The following GLI3 variants were observed in gnomAD, a reference collection of about 807,000 sequenced individuals.
GLI3 encodes transcription activator GLI3.
In GLI3, 20 loss-of-function variants were observed where a neutral mutation model predicts 100.8. The ratio of observed to expected loss-of-function variants is 0.20; its 90% CI spans 0.14 to 0.29. The LOEUF (loss-of-function observed/expected upper bound fraction) is 0.29. Among genes scored for constraint, GLI3 ranks in the 10% least tolerant of loss-of-function variants. The pLI is 1.00. For missense variants in GLI3, 2,040 were observed against 2,128.5 expected (o/e 0.96, Z 0.82); for synonymous variants, 938 against 860.5 (o/e 1.09, Z -1.58).
At chr7:42,023,634 G>A in intron 9 of GLI3, 26 bp from the exon 10 acceptor site, 6 of 1,341,150 alleles carry the variant, frequency 4.5e-6, no homozygotes, top group Admixed American at 1.7e-5. Context: ...GGGGGGCAGG[G>A]AACAGAGAAG....
At chr7:42,239,724 T>C (rs1788904936), upstream of GLI3, among the ~76,000 whole-genome samples, 1 of 152,190 alleles carries the variant, frequency 6.6e-6, no homozygotes, top group South Asian at 2.1e-4. Context: ...CAGCTAATCT[T>C]TCCCCCTATG....
At chr7:42,060,912 C>T (rs1430722046) in intron 4 of GLI3, among the ~76,000 whole-genome samples, 2 of 152,162 alleles carry the variant, frequency 1.3e-5, no homozygotes, top group Non-Finnish European at 2.9e-5. Flanking sequence ...CCATAATACA[C>T]ATCAAGTGTA....
intron 3 of GLI3, among the ~76,000 whole-genome samples, chr7:42,086,406 A>C (rs1270930544): frequency 1.3e-5 from 2 of 152,090 alleles, no homozygotes; most frequent in African/African-American, 4.8e-5. Flanking sequence ...TAGCTTATCT[A>C]AACTATACTC....
At chr7:42,205,730 G>C (rs74527981) in intron 2 of GLI3, among the ~76,000 whole-genome samples, 1,897 of 152,318 alleles carry the variant, frequency 0.012, 86 homozygotes, top group East Asian at 0.12. Context: ...GCAAACACCT[G>C]TTAGGTCTTG....
chr7:42,100,134 C>A (rs1212055971), intron 3 of GLI3, among the ~76,000 whole-genome samples: 1 of 152,242 alleles, frequency 6.6e-6, no homozygotes, highest in African/African-American at 2.4e-5. Context: ...CCACTCCCAA[C>A]CCCAGTATTT....
intron 7 of GLI3, among the ~76,000 whole-genome samples, chr7:42,032,092 T>C (rs1024122626): frequency 1.3e-5 from 2 of 152,134 alleles, no homozygotes; most frequent in African/African-American, 2.4e-5. Flanking sequence ...TCAAAAACTA[T>C]ACCCAATAGG....
chr7:42,024,963 A>G (rs1432243515), intron 9 of GLI3, among the ~76,000 whole-genome samples: 1 of 152,194 alleles, frequency 6.6e-6, no homozygotes, highest in Non-Finnish European at 1.5e-5. Context: ...CAACAAATTA[A>G]TGCAACCATT....
At chr7:42,166,101 G>A (rs938682898) in intron 2 of GLI3, among the ~76,000 whole-genome samples, 11 of 152,148 alleles carry the variant, frequency 7.2e-5, no homozygotes, top group Non-Finnish European at 1.3e-4. Flanking sequence ...TGCCCAGCCT[G>A]AATAGAGGCT....
chr7:42,179,534 C>G (rs953942476), intron 2 of GLI3, among the ~76,000 whole-genome samples: 2 of 152,090 alleles, frequency 1.3e-5, no homozygotes, highest in African/African-American at 4.8e-5. Flanking sequence ...TCTAGTAAAG[C>G]AAGGATGGTG....
chr7:42,098,520 C>G (rs762439179), intron 3 of GLI3, among the ~76,000 whole-genome samples: 3 of 152,170 alleles, frequency 2.0e-5, no homozygotes, highest in Non-Finnish European at 4.4e-5. Context: ...ACCTTGTACA[C>G]ATGACTCCAT....
chr7:42,016,634 G>A (rs74890394), intron 10 of GLI3, among the ~76,000 whole-genome samples: 2,295 of 152,198 alleles, frequency 0.015, 23 homozygotes, highest in Non-Finnish European at 0.026. Context: ...CTGCCACTGG[G>A]TAATGATGGG....
At chr7:42,237,917 G>C (rs1788854959), upstream of GLI3, 1 of 148,008 alleles carries the variant, frequency 6.8e-6, no homozygotes, top group Admixed American at 6.7e-5. Context: ...GCGGGCCGGG[G>C]TCGGGGGCTG....
In GLI3 at chr7:41,966,079, C is replaced by G; in HGVS notation, c.2994G>C (p.Pro998=). 1 of 1,571,538 alleles carries G rather than the reference C, an allele frequency of 6.4e-7. No individual in the cohort carries two copies. Among genetic ancestry groups the G allele is most frequent in the Non-Finnish European group, 8.6e-7 (1 of 1,164,960 alleles). ...CGCTGGCCCTCCTCACGCCGTGGCCCGGCGCATCGTGCGGCTGCAGGTGGC... is the reference window on the plus strand; with the variant it reads ...CGCTGGCCCTCCTCACGCCGTGGCCGGGCGCATCGTGCGGCTGCAGGTGGC... ...GRRHLQPHDA[P]GHGVRRASDP... Residue 998 remains proline, a synonymous_variant, in exon 15 of 15, where the codon CCG becomes CCC. Transcript: ENST00000395925. The surrounding 1 kb of genome is among the most constrained non-coding windows in gnomAD (Gnocchi z 5.8).
intron 1 of GLI3, among the ~76,000 whole-genome samples, chr7:42,250,729 G>A (rs954512318): frequency 1.3e-5 from 2 of 152,206 alleles, no homozygotes; most frequent in Admixed American, 6.5e-5. Flanking sequence ...GTGCCAAAAG[G>A]GCAGCTGGGT....
rs188742758 is a variant in GLI3 at position 42,024,061 on chromosome 7, T to C, written c.1357-453A>G. Among the ~76,000 whole-genome samples, 311 of 152,352 alleles carry C rather than the reference T, an allele frequency of 2.0e-3. 1 individual carries two copies. Among genetic ancestry groups the C allele is most frequent in the Middle Eastern group, 6.8e-3 (2 of 294 alleles). On this transcript the variant is annotated intron_variant, in intron 9 of 14. Transcript: ENST00000395925. ...TGGTCTGTTACTTTGTTTATTCTTA[T>C]ATTTTGTAATCCAGGGAAATGGTTT... is the stretch of plus-strand genomic sequence containing the variant.
intron 10 of GLI3, among the ~76,000 whole-genome samples, chr7:41,987,962 AC>A (rs1787876604): frequency 6.6e-6 from 1 of 152,238 alleles, no homozygotes; most frequent in Non-Finnish European, 1.5e-5. Flanking sequence ...TATTAACGTG[AC>A]CTAAAAACTG....
At chr7:42,223,339 A>G in intron 1 of GLI3, 44 bp from the exon 2 acceptor site, 1 of 1,144,528 alleles carries the variant, frequency 8.7e-7, no homozygotes. Context: ...AATGGTGGAA[A>G]AAAAAAAAAA....
chr7:42,135,155 C>A (rs1318906392), intron 3 of GLI3, among the ~76,000 whole-genome samples: 1 of 152,082 alleles, frequency 6.6e-6, no homozygotes, highest in Non-Finnish European at 1.5e-5. Flanking sequence ...TTTCTCTCCC[C>A]AAATTATAAA....
At chr7:42,255,531 T>C (rs1225320889) in intron 1 of GLI3, among the ~76,000 whole-genome samples, 1 of 152,232 alleles carries the variant, frequency 6.6e-6, no homozygotes, top group Non-Finnish European at 1.5e-5. Context: ...TCTATCCAAG[T>C]TTGCCTTTTA....
Sources: gnomAD v4.1 joint callset for allele counts (sites outside exome capture counted in the v4.1 genomes callset) on GRCh38, gnomAD v4.1.1 for gene constraint, Gnocchi (gnomAD v3.1) non-coding constraint, MANE v1.5 for transcripts, NCBI Gene and HGNC (gene_info 2026-07-23, HGNC 2026-07-21) for gene names.